Variants in MYO16 observed in about 807,000 individuals in gnomAD.
The protein encoded by MYO16 is myosin XVI, also known as unconventional myosin-XVI.
MYO16 carries 94 observed loss-of-function variants against 205.3 expected under a neutral mutation model. The observed-to-expected ratio is 0.46, with a 90% CI of 0.39 to 0.54. MYO16 has a LOEUF of 0.54. Among genes scored for constraint, MYO16 ranks in the 20% least tolerant of loss-of-function variants. The probability of loss-of-function intolerance (pLI) is 0.00; values close to 1 mark genes in which losing one functional copy is unlikely to be tolerated. For missense variants in MYO16, 2,315 were observed against 2,387.5 expected (o/e 0.97, Z 0.63); for synonymous variants, 988 against 954.0 (o/e 1.04, Z -0.66).
chr13:109,014,971 T>C (rs1885751164), intron 22 of MYO16, among the ~76,000 whole-genome samples: 1 of 152,210 alleles, frequency 6.6e-6, no homozygotes, highest in African/African-American at 2.4e-5. Flanking sequence ...CCTTGCCTGA[T>C]TGCCCTGGCA....
chr13:109,034,661 T>C (rs7339147), intron 23 of MYO16, among the ~76,000 whole-genome samples: 136,744 of 152,280 alleles, frequency 0.9, 61,508 homozygotes, highest in East Asian at 0.99. Context: ...AAAAGGTTAG[T>C]CCCTGCTGTT....
chr13:108,923,353 C>T (rs1265457600), intron 16 of MYO16, among the ~76,000 whole-genome samples: 1 of 152,236 alleles, frequency 6.6e-6, no homozygotes, highest in Non-Finnish European at 1.5e-5. Context: ...AAGGTGAAGG[C>T]AGTACAGCTC....
intron 19 of MYO16, 77 bp downstream of exon 19, chr13:108,962,572 C>A: frequency 9.6e-7 from 1 of 1,042,162 alleles, no homozygotes; most frequent in East Asian, 2.6e-5. Context: ...GACTTGTCCC[C>A]ACTTAGTGAA....
intron 27 of MYO16, among the ~76,000 whole-genome samples, chr13:109,090,028 G>A (rs532937917): frequency 1.3e-5 from 2 of 152,342 alleles, no homozygotes; most frequent in South Asian, 2.1e-4. Flanking sequence ...GACGTTTGCA[G>A]CAATGTGAAG....
chr13:109,062,485 G>T (rs1887622922), intron 27 of MYO16, among the ~76,000 whole-genome samples: 1 of 152,084 alleles, frequency 6.6e-6, no homozygotes, highest in Non-Finnish European at 1.5e-5. Context: ...ATTTCTTTTA[G>T]CATTCCTTTA....
intron 29 of MYO16, among the ~76,000 whole-genome samples, chr13:109,124,181 C>T (rs965638199): frequency 2.0e-5 from 3 of 152,200 alleles, no homozygotes; most frequent in Admixed American, 2.0e-4. Context: ...TTAGAAAGTT[C>T]TTTCTAACAC....
intron 4 of MYO16, among the ~76,000 whole-genome samples, chr13:108,776,960 C>T (rs1886143912): frequency 6.6e-6 from 1 of 152,102 alleles, no homozygotes; most frequent in Non-Finnish European, 1.5e-5. Flanking sequence ...GCATCACAGA[C>T]ACAGAGTCTG....
intron 5 of MYO16, among the ~76,000 whole-genome samples, chr13:108,787,635 G>T (rs1886498291): frequency 6.9e-6 from 1 of 144,156 alleles, no homozygotes; most frequent in South Asian, 2.3e-4. Context: ...TTAAAAAGGA[G>T]TATGCAAAAA....
chr13:109,074,246 T>C (rs1463850955), intron 27 of MYO16, among the ~76,000 whole-genome samples: 6 of 152,124 alleles, frequency 3.9e-5, no homozygotes, highest in Non-Finnish European at 4.4e-5. Flanking sequence ...TTCCAGCCCT[T>C]TTATAGTGTC....
intron 11 of MYO16, among the ~76,000 whole-genome samples, chr13:108,861,153 C>T (rs1566374699): frequency 3.9e-5 from 6 of 152,124 alleles, no homozygotes; most frequent in Admixed American, 6.5e-5. Flanking sequence ...AACACACCCA[C>T]GTAACCTGCA....
the MYO16 span, among the ~76,000 whole-genome samples, chr13:108,565,849 G>A: frequency 6.6e-6 from 1 of 152,092 alleles, no homozygotes. Flanking sequence ...TTGAGGTTAT[G>A]TTCCTTCTAT....
At chr13:108,610,599 G>A (rs185136479) in intron 1 of MYO16, among the ~76,000 whole-genome samples, 10 of 152,264 alleles carry the variant, frequency 6.6e-5, no homozygotes, top group Middle Eastern at 3.4e-3. Flanking sequence ...GGAAGCGTGC[G>A]ATGTCGAAGT....
chr13:108,915,583 A>G (rs576290028), intron 16 of MYO16, among the ~76,000 whole-genome samples: 99 of 152,302 alleles, frequency 6.5e-4, no homozygotes, highest in African/African-American at 2.2e-3. Context: ...GAACGAATGT[A>G]ATTTCTGCTT....
the MYO16 span, among the ~76,000 whole-genome samples, chr13:108,534,346 A>T: frequency 6.6e-6 from 1 of 152,124 alleles, no homozygotes; most frequent in Non-Finnish European, 1.5e-5. Context: ...GCTTCTAGGG[A>T]AAGCTGTCTT....
chr13:108,943,374 T>C (rs1054273165), intron 16 of MYO16, among the ~76,000 whole-genome samples: 3 of 152,214 alleles, frequency 2.0e-5, no homozygotes, highest in Non-Finnish European at 2.9e-5. Context: ...ATCTAGATCA[T>C]TATATAGATG....
chr13:108,944,709 T>G (rs779704577), intron 16 of MYO16, among the ~76,000 whole-genome samples: 1 of 152,224 alleles, frequency 6.6e-6, no homozygotes, highest in Non-Finnish European at 1.5e-5. Flanking sequence ...CATTTCAATT[T>G]ATTTCTAAAG....
At chr13:109,032,390 A>T (rs1405229668) in intron 23 of MYO16, among the ~76,000 whole-genome samples, 1 of 152,056 alleles carries the variant, frequency 6.6e-6, no homozygotes, top group African/African-American at 2.4e-5. Flanking sequence ...ATCGTCGCAC[A>T]TATCCCCATC....
rs143293096 is a variant in MYO16, at chr13:108,891,932, C to T, written c.1659+3455C>T. 1.9e-3 allele frequency among the ~76,000 whole-genome samples: 288 copies of T among 152,116 alleles called. 1 individual carries two copies. The highest frequency in any genetic ancestry group is 6.6e-3 in the African/African-American group (274 of 41,498). ...TTTAGAGTGATTTCTACCATGGTGG[C>T]GGTTAGTTGGCATGTTCTTTAAATT... On this transcript the variant is annotated intron_variant, in intron 14 of 34. Transcript: ENST00000457511.
At chr13:108,622,236 A>G (rs1879569692) in intron 1 of MYO16, among the ~76,000 whole-genome samples, 1 of 152,174 alleles carries the variant, frequency 6.6e-6, no homozygotes, top group South Asian at 2.1e-4. Flanking sequence ...CATTAGATCA[A>G]TACAACATCA....
Sources: gnomAD v4.1 joint callset for allele counts (sites outside exome capture counted in the v4.1 genomes callset) on GRCh38, gnomAD v4.1.1 for gene constraint, MANE v1.5 for transcripts, NCBI Gene and HGNC (gene_info 2026-07-23, HGNC 2026-07-21) for gene names.